GSTM4: variants seen among roughly 807,000 people sequenced by gnomAD.
The protein encoded by GSTM4 is GST class-mu 4.
GSTM4 carries 27 observed loss-of-function variants against 30.1 expected under a neutral mutation model. The observed-to-expected ratio is 0.90, with a 90% confidence interval of 0.66 to 1.24. GSTM4 has a LOEUF of 1.24. Among genes scored for constraint, GSTM4 ranks in the 50% most tolerant of loss-of-function variants. GSTM4 has a pLI of 0.00. For missense variants in GSTM4, 238 were observed against 272.1 expected, an observed-to-expected ratio of 0.87 and a Z score of 0.88; for synonymous variants, 94 against 96.2, an observed-to-expected ratio of 0.98 and a Z score of 0.13.
Position 109,661,015 on chromosome 1 carries a change from G to T in GSTM4, c.568-150G>T, listed in dbSNP as rs559069558. On this transcript the variant is annotated intron_variant, in intron 7 of 7. Coordinates refer to ENST00000369836, the MANE Select transcript of GSTM4 (RefSeq NM_000850.5). ...GGAAGAGTTAACTCCGCAAATCTGG[G>T]GACCCTAAGAGGCTGTGTGATGCCT... 80 of 956,664 alleles carry T rather than the reference G, an allele frequency of 8.4e-5. No homozygotes were observed. The African/African-American group carries it at 1.3e-3, about 16-fold the overall frequency. The allele number at this position is 956,664 out of a possible 1,614,324, so 59.3% of individuals were successfully genotyped here. A position where few individuals can be genotyped will look rare whatever the true frequency, so the allele number is the denominator to read the frequency against.
intron 1 of GSTM4, 131 bp downstream of exon 1, chr1:109,656,556 G>C (rs1651995418): frequency 5.5e-6 from 2 of 365,282 alleles, no homozygotes; most frequent in Non-Finnish European, 1.1e-5. Flanking sequence ...ATGCCTGTGT[G>C]TGTGTGTGTG....
chr1:109,658,545 G>A, intron 5 of GSTM4: 1 of 486,646 alleles, frequency 2.1e-6, no homozygotes. Flanking sequence ...GGTGCTCCTG[G>A]GCTGACCCAG....
At chr1:109,663,207 T>C (rs180890501), downstream of GSTM4, among the ~76,000 whole-genome samples, 1 of 152,318 alleles carries the variant, frequency 6.6e-6, no homozygotes, top group Admixed American at 6.5e-5. Context: ...GGTCAGATGA[T>C]TGGTGACCTT....
chr1:109,658,478 A>C, intron 5 of GSTM4: 1 of 309,806 alleles, frequency 3.2e-6, no homozygotes, highest in Non-Finnish European at 6.0e-6. Context: ...GAGCTCCTTT[A>C]GTTCTTTGTA....
chr1:109,659,524 T>C lies in GSTM4; in HGVS notation c.567+414T>C, dbSNP rs925848655. Reference sequence around the variant, plus strand: ...GCACTTTGGAAGAGGCAGAGAACTTTAGGAGCATGGATGCAGCTGGCAATA... The same window carrying C: ...GCACTTTGGAAGAGGCAGAGAACTTCAGGAGCATGGATGCAGCTGGCAATA... On this transcript the variant is annotated intron_variant, in intron 7 of 7. Transcript: ENST00000369836. 5 of 614,926 alleles carry C rather than the reference T, an allele frequency of 8.1e-6. No homozygotes were observed. The Admixed American group carries it at 9.8e-5, about 12-fold the overall frequency. 38.1% of individuals were successfully genotyped at this position (614,926 alleles called of 1,614,324 possible).
chr1:109,666,627 C>T (rs1208356673), downstream of GSTM4, among the ~76,000 whole-genome samples: 2 of 152,228 alleles, frequency 1.3e-5, no homozygotes, highest in Non-Finnish European at 2.9e-5. Flanking sequence ...TCCCTTCTGC[C>T]AGCTGGTGTC....
downstream of GSTM4, among the ~76,000 whole-genome samples, chr1:109,667,361 G>C (rs1444393595): frequency 6.6e-6 from 1 of 150,756 alleles, no homozygotes; most frequent in African/African-American, 2.4e-5. Flanking sequence ...TTTACAAAAC[G>C]AATGAATACA....
downstream of GSTM4, among the ~76,000 whole-genome samples, chr1:109,663,159 C>T (rs189315938): frequency 1.5e-4 from 23 of 152,280 alleles, no homozygotes; most frequent in South Asian, 2.9e-3. Flanking sequence ...TCCACTTACA[C>T]GAAATTCAGG....
chr1:109,665,985 G>T (rs766025369), downstream of GSTM4, among the ~76,000 whole-genome samples: 4 of 152,210 alleles, frequency 2.6e-5, no homozygotes, highest in Non-Finnish European at 5.9e-5. Flanking sequence ...CCTAATGGGG[G>T]TGTTAAATGC....
At chr1:109,664,821 G>T (rs950085589), downstream of GSTM4, among the ~76,000 whole-genome samples, 5 of 152,088 alleles carry the variant, frequency 3.3e-5, no homozygotes, top group African/African-American at 9.7e-5. Flanking sequence ...TATAGTGTGT[G>T]CATGTTTCTG....
At chr1:109,657,551 C>G (rs375648301) in intron 3 of GSTM4, 39 bp from the exon 4 acceptor site, 580 of 1,613,992 alleles carry the variant, frequency 3.6e-4, no homozygotes, top group East Asian at 2.4e-3. Context: ...GGGGAGCCTG[C>G]TGGCCCAACT....
downstream of GSTM4, among the ~76,000 whole-genome samples, chr1:109,664,699 A>T (rs534643188): frequency 4.2e-4 from 64 of 152,252 alleles, no homozygotes; most frequent in African/African-American, 1.3e-3. Context: ...CCTGCAAGTC[A>T]CATGGATCTT....
At chr1:109,664,341 C>CCTTTTT (rs1647226667), downstream of GSTM4, among the ~76,000 whole-genome samples, 1 of 35,742 alleles carries the variant, frequency 2.8e-5, no homozygotes, top group Non-Finnish European at 4.9e-5. Context: ...GAGAGAATAG[C>CCTTTTT]TTTTTTTTTT....
intron 1 of GSTM4, 82 bp downstream of exon 1, chr1:109,656,507 T>C: frequency 7.0e-7 from 1 of 1,434,978 alleles, no homozygotes; most frequent in Non-Finnish European, 9.7e-7. Flanking sequence ...CTAGGGACGG[T>C]TCCCTCCTTA....
rs1290087711 is a variant in GSTM4 at position 109,661,399 on chromosome 1, T to C, written c.*145T>C. 2.0e-6 allele frequency: 3 copies of C among 1,523,166 alleles called. No homozygotes were observed. Among genetic ancestry groups the C allele is most frequent in the African/African-American group, 1.4e-5 (1 of 72,550 alleles). 94.4% of individuals were successfully genotyped at this position (1,523,166 alleles called of 1,614,324 possible). A position where few individuals can be genotyped will look rare whatever the true frequency, so the allele number is the denominator to read the frequency against. ...TCCCATCTTTACCCCCAAGACTTTA[T>C]TGGGCCTCTTCACTTCCCCTAAACC... On this transcript the variant is annotated 3_prime_UTR_variant, in exon 8 of 8. Transcript: ENST00000369836.
In GSTM4 at chr1:109,656,302, G is replaced by A. The variant is rs375439649; in HGVS notation, c.-88G>A. 37 of 1,332,630 alleles carry A rather than the reference G, an allele frequency of 2.8e-5. No homozygotes were observed. In the East Asian group the frequency reaches 8.3e-4, roughly 30 times the overall value. The allele number at this position is 1,332,630 out of a possible 1,614,324, so 82.6% of individuals were successfully genotyped here. A position where few individuals can be genotyped will look rare whatever the true frequency, so the allele number is the denominator to read the frequency against. On this transcript the variant is annotated 5_prime_UTR_variant, in exon 1 of 8. Transcript: ENST00000369836. ...GCCGAGGGGGCGGGTCTGGCGCTAG[G>A]TCCAGCCCCTGCGTGCCGGGAACCC...
chr1:109,656,225 G>A lies in GSTM4; in HGVS notation c.-165G>A. ...CCTGTTGGTTGGAAGTGACGACCTTGAAGATCGGCCGGTTGGAAGTGACGA... is the reference window on the plus strand; with the variant it reads ...CCTGTTGGTTGGAAGTGACGACCTTAAAGATCGGCCGGTTGGAAGTGACGA... On this transcript the variant is annotated 5_prime_UTR_variant, in exon 1 of 8. Coordinates refer to ENST00000369836, the MANE Select transcript of GSTM4 (RefSeq NM_000850.5). 1.4e-6 allele frequency: 1 copy of A among 739,534 alleles called. No individual in the cohort carries two copies. The highest frequency in any genetic ancestry group is 2.5e-6 in the Non-Finnish European group (1 of 404,732). 45.8% of individuals were successfully genotyped at this position (739,534 alleles called of 1,614,324 possible).
downstream of GSTM4, chr1:109,661,841 GT>G (rs10687592): frequency 2.4e-3 from 884 of 367,126 alleles, no homozygotes; most frequent in Non-Finnish European, 2.9e-3. Flanking sequence ...TTCCAACTTT[GT>G]TTTTTTTTTG....
downstream of GSTM4, among the ~76,000 whole-genome samples, chr1:109,663,094 T>TG (rs1652366892): frequency 1.3e-5 from 2 of 152,194 alleles, no homozygotes; most frequent in African/African-American, 4.8e-5. Flanking sequence ...TGGATGGGTC[T>TG]CACAGAAGTG....
Sources: allele counts gnomAD v4.1 joint callset (sites outside exome capture counted in the v4.1 genomes callset), GRCh38; gene constraint gnomAD v4.1.1; transcripts MANE v1.5; gene names NCBI Gene and HGNC (gene_info 2026-07-23, HGNC 2026-07-21).